LRP1B: variants seen among roughly 807,000 people sequenced by gnomAD.
LRP1B encodes the protein low-density lipoprotein receptor-related protein 1B.
Under a neutral mutation model 556.6 loss-of-function variants are expected in LRP1B, and 217 were observed. That is an observed-to-expected ratio of 0.39 (90% CI 0.35 to 0.44). The LOEUF is 0.44. LRP1B is among the 20% of genes least tolerant of loss of function. The pLI, the probability that LRP1B is intolerant of heterozygous loss-of-function variation, is 1.00. For missense variants in LRP1B, 5,053 were observed against 5,620.8 expected, an observed-to-expected ratio of 0.90 and a Z score of 3.23; for synonymous variants, 2,047 against 1,865.8, an observed-to-expected ratio of 1.10 and a Z score of -2.50.
chr2:141,969,314 AT>A (rs1701656862), intron 1 of LRP1B, among the ~76,000 whole-genome samples: 1 of 151,360 alleles, frequency 6.6e-6, no homozygotes, highest in Admixed American at 6.6e-5. Flanking sequence ...GTACACTATC[AT>A]TTACTATATT....
At chr2:142,010,554 C>CA (rs33927334) in intron 1 of LRP1B, among the ~76,000 whole-genome samples, 5,593 of 60,118 alleles carry the variant, frequency 0.093, 331 homozygotes, top group African/African-American at 0.11. Flanking sequence ...GATTCTGTCT[C>CA]AAAAAAAAAA....
chr2:141,165,087 A>C (rs561839109), intron 7 of LRP1B, among the ~76,000 whole-genome samples: 1 of 152,052 alleles, frequency 6.6e-6, no homozygotes, highest in Non-Finnish European at 1.5e-5. Flanking sequence ...GCTCTCGTTT[A>C]AAACAAATGT....
intron 32 of LRP1B, among the ~76,000 whole-genome samples, chr2:140,791,538 A>G (rs1243753891): frequency 6.6e-6 from 1 of 152,208 alleles, no homozygotes; most frequent in African/African-American, 2.4e-5. Flanking sequence ...ATTAATGAAT[A>G]TGATGTTATT....
At chr2:141,070,602 C>A (rs541816636) in intron 7 of LRP1B, among the ~76,000 whole-genome samples, 57 of 151,826 alleles carry the variant, frequency 3.8e-4, no homozygotes, top group Non-Finnish European at 7.1e-4. Context: ...ATTGATAGAC[C>A]ACTAGCAAGA....
chr2:140,500,460 T>C (rs1176525807), intron 55 of LRP1B, among the ~76,000 whole-genome samples: 1 of 151,996 alleles, frequency 6.6e-6, no homozygotes, highest in Admixed American at 6.6e-5. Flanking sequence ...ACAACAATTG[T>C]CTACCATCCT....
At chr2:141,042,261 C>T (rs1315490132) in intron 11 of LRP1B, among the ~76,000 whole-genome samples, 1 of 152,046 alleles carries the variant, frequency 6.6e-6, no homozygotes. Flanking sequence ...GTAACTTTTT[C>T]TGGAGCAATC....
chr2:141,892,165 A>C (rs1335285569), intron 1 of LRP1B, among the ~76,000 whole-genome samples: 1 of 152,068 alleles, frequency 6.6e-6, no homozygotes, highest in Admixed American at 6.6e-5. Context: ...AATAAATGTA[A>C]TGAAGAATGA....
chr2:140,805,432 G>C (rs1333147876), intron 32 of LRP1B, among the ~76,000 whole-genome samples: 3 of 152,078 alleles, frequency 2.0e-5, no homozygotes, highest in Non-Finnish European at 4.4e-5. Context: ...ATGGTTGTTG[G>C]AGATAGCTAC....
At chr2:141,761,728 T>C (rs2105595096) in intron 2 of LRP1B, among the ~76,000 whole-genome samples, 1 of 152,306 alleles carries the variant, frequency 6.6e-6, no homozygotes, top group East Asian at 1.9e-4. Flanking sequence ...CTGTGCTTTT[T>C]GTCATAAAAA....
intron 7 of LRP1B, among the ~76,000 whole-genome samples, chr2:141,069,167 C>T (rs1420399022): frequency 6.6e-6 from 1 of 151,894 alleles, no homozygotes; most frequent in Non-Finnish European, 1.5e-5. Flanking sequence ...CATCCTTATC[C>T]CCACTTCACC....
In LRP1B at chr2:141,343,387, T is replaced by A. The variant is rs115412764; in HGVS notation, c.344-88746A>T. On this transcript the variant is annotated intron_variant, in intron 3 of 90. Transcript: ENST00000389484. ...ATCATCTGTATCATTTTCAACAGAT[T>A]TTTAGTCCTAAGTATGAATCAAATT... Among the ~76,000 whole-genome samples the A allele has an allele frequency of 5.8e-3, 880 of 152,342 alleles. 5 individuals are homozygous for A. The highest frequency in any genetic ancestry group is 0.019 in the African/African-American group (800 of 41,584).
chr2:140,936,054 A>G (rs72848546), intron 20 of LRP1B, among the ~76,000 whole-genome samples: 4,810 of 150,992 alleles, frequency 0.032, 83 homozygotes, highest in African/African-American at 0.05. Flanking sequence ...AAAAAAAAAA[A>G]CTTGCCTGGG....
At chr2:140,907,521 C>A (rs1694291362) in intron 22 of LRP1B, among the ~76,000 whole-genome samples, 1 of 152,028 alleles carries the variant, frequency 6.6e-6, no homozygotes, top group Admixed American at 6.6e-5. Context: ...GTGGTGAGTT[C>A]CATCCGTAGA....
chr2:141,020,067 T>C lies in LRP1B; in HGVS notation c.1825A>G (p.Ile609Val), dbSNP rs1173335236. 1 of 1,609,716 alleles carries C rather than the reference T, an allele frequency of 6.2e-7. No individual in the cohort carries two copies. Among genetic ancestry groups the C allele is most frequent in the South Asian group, 1.1e-5 (1 of 90,666 alleles). Residue 609 changes from isoleucine to valine, a missense_variant, in exon 12 of 91, where the codon ATT (isoleucine) becomes GTT (valine). By Grantham distance (29) the Ile-to-Val change is conservative. Around this residue, in one of 5 missense-constraint regions of LRP1B, gnomAD observed 3,619 missense variants for 3,931.9 expected, o/e 0.92. Coordinates refer to ENST00000389484, the MANE Select transcript of LRP1B (RefSeq NM_018557.3). Reference sequence around the variant, plus strand: ...TTGGTCCAGTAAAGATTATTTCCAATCCAGTCCACAGCAATGCCCTCTACA... The same window carrying C: ...TTGGTCCAGTAAAGATTATTTCCAACCCAGTCCACAGCAATGCCCTCTACA... ...DNVEGIAVDW[I>V]GNNLYWTNDG...
intron 86 of LRP1B, among the ~76,000 whole-genome samples, chr2:140,252,161 C>A (rs888385387): frequency 6.8e-4 from 100 of 146,128 alleles, no homozygotes; most frequent in African/African-American, 2.4e-3. Context: ...TATTCATCTG[C>A]TTAATTTTAC....
intron 41 of LRP1B, among the ~76,000 whole-genome samples, chr2:140,652,584 A>G (rs76329660): frequency 0.012 from 1,819 of 152,190 alleles, 32 homozygotes; most frequent in African/African-American, 0.039. Flanking sequence ...ACCCCTCTAT[A>G]GGACCAAGTT....
At chr2:141,160,582 C>T (rs1200941606) in intron 7 of LRP1B, among the ~76,000 whole-genome samples, 1 of 151,900 alleles carries the variant, frequency 6.6e-6, no homozygotes, top group Non-Finnish European at 1.5e-5. Context: ...AAAAGGAATA[C>T]ACCACTGATG....
At chr2:142,130,307 G>A (rs1447184069) in intron 1 of LRP1B, among the ~76,000 whole-genome samples, 3 of 152,222 alleles carry the variant, frequency 2.0e-5, no homozygotes, top group Non-Finnish European at 2.9e-5. Context: ...CATCGCGGAG[G>A]GAAGTCTTTC....
Position 141,490,350 on chromosome 2 carries a change from T to C in LRP1B, c.206-9817A>G, listed in dbSNP as rs560787206. On this transcript the variant is annotated intron_variant, in intron 2 of 90. Transcript: ENST00000389484. ...GGGTTTTAGATCACGTCAGAAAATA[T>C]TGTCATGTTAAAATAGCCTCGTGTG... Among the ~76,000 whole-genome samples the C allele has an allele frequency of 4.4e-5, 6 of 137,332 alleles. No homozygotes were observed. In the South Asian group the frequency reaches 9.6e-4, roughly 22 times the overall value. The allele number at this position is 137,332 out of a possible 152,430, so 90.1% of individuals were successfully genotyped here. A position where few individuals can be genotyped will look rare whatever the true frequency, so the allele number is the denominator to read the frequency against.
Sources: allele counts gnomAD v4.1 joint callset (sites outside exome capture counted in the v4.1 genomes callset), GRCh38; gene constraint gnomAD v4.1.1; regional missense constraint gnomAD v4.1.1; transcripts MANE v1.5; gene names NCBI Gene and HGNC (gene_info 2026-07-23, HGNC 2026-07-21).